The following PIK3R1 variants were observed in gnomAD, a reference collection of about 807,000 sequenced individuals.
The protein encoded by PIK3R1 is phosphatidylinositol 3-kinase regulatory subunit alpha.
In PIK3R1, 29 loss-of-function variants were observed where a neutral mutation model predicts 98.0. That is an observed-to-expected ratio of 0.30 (90% CI 0.22 to 0.40). PIK3R1 has a LOEUF of 0.40. PIK3R1 is among the 10% of genes least tolerant of loss of function. PIK3R1 has a pLI of 1.00. For synonymous variants in PIK3R1, 282 were observed against 311.8 expected (o/e 0.90, Z 1.01); for missense variants, 596 against 872.7 (o/e 0.68, Z 3.99).
intron 1 of PIK3R1, chr5:68,217,651 T>TGCGCGCGCGCGCAC (rs538227188): frequency 6.9e-6 from 1 of 144,182 alleles, no homozygotes; most frequent in Non-Finnish European, 1.5e-5. Context: ...TGTGTGTGTG[T>TGCGCGCGCGCGCAC]GTGCGCGCGC....
rs1367776221 is a variant in PIK3R1, at chr5:68,295,207, G to A, written c.1628G>A (p.Arg543Lys). The stretch of plus-strand genomic sequence containing the variant: ...ATCAGTGAAATTATTGACAGTAGAA[G>A]AAGATTGGAAGAAGACTTGAAGAAG... ...SRISEIIDSR[R>K]RLEEDLKKQA... Residue 543 changes from arginine (R) to lysine (K), a missense_variant, in exon 13 of 16, where the codon AGA (arginine) becomes AAA (lysine). By Grantham distance (26) the Arg-to-Lys change is conservative (BLOSUM62 2). This residue lies in a region of PIK3R1 where 207 missense variants were observed against 361.4 expected (regional missense o/e 0.57). Coordinates refer to ENST00000521381, the MANE Select transcript of PIK3R1 (RefSeq NM_181523.3). The A allele has an allele frequency of 3.7e-6, 6 of 1,613,826 alleles. No homozygotes were observed. The South Asian group carries it at 6.6e-5, about 18-fold the overall frequency.
intron 2 of PIK3R1, among the ~76,000 whole-genome samples, chr5:68,242,878 G>A (rs900006320): frequency 2.6e-5 from 4 of 152,148 alleles, no homozygotes; most frequent in African/African-American, 9.7e-5. Context: ...GGATCTAAGC[G>A]GGAATAAAAT....
At chr5:68,272,352 A>G (rs1239094423) in intron 2 of PIK3R1, among the ~76,000 whole-genome samples, 1 of 152,210 alleles carries the variant, frequency 6.6e-6, no homozygotes, top group East Asian at 1.9e-4. Context: ...CAAAATTGCA[A>G]ATATTTAGTC....
At chr5:68,284,389 G>A (rs1410094633) in intron 7 of PIK3R1, among the ~76,000 whole-genome samples, 2 of 152,212 alleles carry the variant, frequency 1.3e-5, no homozygotes, top group Admixed American at 1.3e-4. Flanking sequence ...TTGCCACCCT[G>A]ATGTGGGTAC....
At chr5:68,290,752 G>T in intron 7 of PIK3R1, 1 of 1,613,392 alleles carries the variant, frequency 6.2e-7, no homozygotes, top group Non-Finnish European at 8.5e-7. Flanking sequence ...TTTGGAATAT[G>T]GAAGACCTGG....
Position 68,266,503 on chromosome 5 carries a change from C to T in PIK3R1, c.335-6887C>T, listed in dbSNP as rs138017789. On this transcript the variant is annotated intron_variant, in intron 2 of 15. Coordinates refer to ENST00000521381, the MANE Select transcript of PIK3R1 (RefSeq NM_181523.3). ...TAACTTGTTATTTGGGGAGGAAGTA[C>T]AAAAACTGCTATTATCAAGATCATT... is the stretch of plus-strand genomic sequence containing the variant. Among the ~76,000 whole-genome samples, 3 of 152,266 alleles carry T rather than the reference C, an allele frequency of 2.0e-5. No homozygotes were observed. In the East Asian group the frequency reaches 5.8e-4, roughly 29 times the overall value.
At chr5:68,229,155 A>C (rs868565640) in intron 2 of PIK3R1, among the ~76,000 whole-genome samples, 1 of 152,114 alleles carries the variant, frequency 6.6e-6, no homozygotes, top group Non-Finnish European at 1.5e-5. Context: ...GGGGAGTATA[A>C]TACTAAACAT....
chr5:68,254,508 C>T (rs1194171503), intron 2 of PIK3R1, among the ~76,000 whole-genome samples: 4 of 152,176 alleles, frequency 2.6e-5, no homozygotes, highest in Non-Finnish European at 4.4e-5. Context: ...TCATCTTAGG[C>T]CTCTAACCCC....
chr5:68,242,637 T>C lies in PIK3R1; in HGVS notation c.334+15628T>C, dbSNP rs754172550. 6.8e-4 allele frequency among the ~76,000 whole-genome samples: 104 copies of C among 152,084 alleles called. 1 individual carries two copies. Among genetic ancestry groups the C allele is most frequent in the Admixed American group, 5.2e-3 (80 of 15,270 alleles). On this transcript the variant is annotated intron_variant, in intron 2 of 15. Coordinates refer to ENST00000521381, the MANE Select transcript of PIK3R1 (RefSeq NM_181523.3). ...GGAGTTAGGGTATCCCCAAGAGCTG[T>C]GATGGGAGGTGGAAATTCACACCTG...
chr5:68,229,248 T>C (rs1385723296), intron 2 of PIK3R1, among the ~76,000 whole-genome samples: 1 of 152,206 alleles, frequency 6.6e-6, no homozygotes, highest in Non-Finnish European at 1.5e-5. Flanking sequence ...ATGAGTTGCA[T>C]GTTGAATTCA....
At chr5:68,273,635 C>A (rs949536454) in intron 3 of PIK3R1, 153 bp downstream of exon 3, 17 of 677,360 alleles carry the variant, frequency 2.5e-5, no homozygotes, top group Non-Finnish European at 4.1e-5. Context: ...GGGCTAAGTA[C>A]TGGGAAAAAT....
At chr5:68,248,746 A>G (rs564145549) in intron 2 of PIK3R1, among the ~76,000 whole-genome samples, 7 of 152,358 alleles carry the variant, frequency 4.6e-5, no homozygotes, top group African/African-American at 1.7e-4. Context: ...TGGAAGAACT[A>G]TATGTTATTT....
At chr5:68,293,576 A>G (rs1198581774) in intron 10 of PIK3R1, 93 bp downstream of exon 10, 4 of 1,223,502 alleles carry the variant, frequency 3.3e-6, no homozygotes. Flanking sequence ...ATTACATGTA[A>G]TCAAGTCTAA....
chr5:68,262,705 G>A (rs62652518), intron 2 of PIK3R1, among the ~76,000 whole-genome samples: 2,739 of 21,190 alleles, frequency 0.13, 67 homozygotes, highest in African/African-American at 0.3. Flanking sequence ...ACATGTAGAT[G>A]CATGTAGATG....
chr5:68,231,661 C>T (rs986248988), intron 2 of PIK3R1, among the ~76,000 whole-genome samples: 2 of 152,214 alleles, frequency 1.3e-5, no homozygotes, highest in East Asian at 1.9e-4. Context: ...TTGGTCATAA[C>T]CTACGCTGTC....
intron 2 of PIK3R1, among the ~76,000 whole-genome samples, chr5:68,271,535 AT>A (rs1746359849): frequency 6.6e-6 from 1 of 152,102 alleles, no homozygotes; most frequent in Admixed American, 6.5e-5. Context: ...ATACTCTCTA[AT>A]TTTATGGGCA....
rs1399495133 is a variant in PIK3R1, at chr5:68,240,089, T to TTA, written c.334+13090_334+13091dup. ...TATAGATTTATATAATATTCAACTT[T>TTA]TATATATATATTACTTATATATAAA... is the stretch of plus-strand genomic sequence containing the variant. On this transcript the variant is annotated intron_variant, in intron 2 of 15. Transcript: ENST00000521381. Among the ~76,000 whole-genome samples, 5 of 149,862 alleles carry TTA rather than the reference T, an allele frequency of 3.3e-5. No individual in the cohort carries two copies. In the East Asian group the frequency reaches 5.8e-4, roughly 17 times the overall value.
intron 2 of PIK3R1, among the ~76,000 whole-genome samples, chr5:68,268,308 G>A (rs1425332610): frequency 2.0e-5 from 3 of 151,564 alleles, no homozygotes; most frequent in African/African-American, 7.3e-5. Context: ...AGTCATCGTT[G>A]TTTTTTTTGC....
At chr5:68,271,506 T>G (rs531830565) in intron 2 of PIK3R1, among the ~76,000 whole-genome samples, 1 of 152,356 alleles carries the variant, frequency 6.6e-6, no homozygotes, top group Admixed American at 6.5e-5. Context: ...AATTTGCCCT[T>G]GTGCAGGCAA....
Sources: allele counts gnomAD v4.1 joint callset (sites outside exome capture counted in the v4.1 genomes callset), GRCh38; gene constraint gnomAD v4.1.1; regional missense constraint gnomAD v4.1.1; transcripts MANE v1.5; gene names NCBI Gene and HGNC (gene_info 2026-07-23, HGNC 2026-07-21).